The following PCDHA13 variants were observed in gnomAD, a reference collection of about 807,000 sequenced individuals.
PCDHA13 encodes protocadherin alpha-13.
Under a neutral mutation model 64.8 loss-of-function variants are expected in PCDHA13, and 54 were observed. The ratio of observed to expected loss-of-function variants is 0.83; its 90% CI spans 0.67 to 1.04. The LOEUF (loss-of-function observed/expected upper bound fraction) is 1.04, where lower values mean the gene tolerates loss of function less well. Ranked by LOEUF, PCDHA13 falls within the 50% of genes least tolerant of loss-of-function variation. The probability of loss-of-function intolerance (pLI) is 0.00; values close to 1 mark genes in which losing one functional copy is unlikely to be tolerated. For missense variants in PCDHA13, 1,248 were observed against 1,254.3 expected, an observed-to-expected ratio of 0.99 and a Z score of 0.08; for synonymous variants, 587 against 564.4, an observed-to-expected ratio of 1.04 and a Z score of -0.57.
In PCDHA13 at chr5:140,884,171, C is replaced by A; in HGVS notation, c.1903C>A (p.Arg635Ser). Residue 635 changes from arginine (R) to serine (S), a missense_variant, in exon 1 of 4, where the codon CGC becomes AGC. Transcript: ENST00000289272. ...GTACACTGGCGAGATCAGCACGACG[C>A]GCCCTCTGGACGAGGTGGACGCGCC... is the stretch of plus-strand genomic sequence containing the variant. Reference protein sequence around the residue: ...GLYTGEISTTRPLDEVDAPHH... With the variant: ...GLYTGEISTTSPLDEVDAPHH... 1 of 1,613,414 alleles carries A rather than the reference C, an allele frequency of 6.2e-7. No individual in the cohort carries two copies. The highest frequency in any genetic ancestry group is 8.5e-7 in the Non-Finnish European group (1 of 1,179,742).
At chr5:140,918,042 A>C (rs1363704503) in intron 1 of PCDHA13, among the ~76,000 whole-genome samples, 1 of 152,088 alleles carries the variant, frequency 6.6e-6, no homozygotes, top group African/African-American at 2.4e-5. Flanking sequence ...AGGTCTTTCC[A>C]TTTGTTTTAT....
chr5:140,968,588 A>G (rs1554230894), intron 1 of PCDHA13: 1 of 1,614,180 alleles, frequency 6.2e-7, no homozygotes, highest in South Asian at 1.1e-5. Flanking sequence ...CACCAAAGTC[A>G]TAGCTATGGA....
rs1450871721 is a variant in PCDHA13, at chr5:140,999,541, C to T, written c.2543-10086C>T. 3.3e-5 allele frequency among the ~76,000 whole-genome samples: 5 copies of T among 152,150 alleles called. No individual in the cohort carries two copies. The East Asian group carries it at 9.7e-4, about 29-fold the overall frequency. On this transcript the variant is annotated intron_variant, in intron 3 of 3. Coordinates refer to ENST00000289272, the MANE Select transcript of PCDHA13 (RefSeq NM_018904.3). ...TTTGTTACCCCCTGGATATGACAGC[C>T]AATGAAGAGGGGGTATTTTGAGAAG...
Position 140,882,950 on chromosome 5 carries a change from C to G in PCDHA13, c.682C>G (p.Leu228Val), listed in dbSNP as rs1197710877. ...GKPELTGTVQ[L>V]LITILDVNDN... ...ACCCGAGCTGACTGGCACAGTTCAG[C>G]TGCTCATCACGATTCTGGACGTGAA... Residue 228 changes from leucine to valine, a missense_variant, in exon 1 of 4, where the codon CTG (leucine) becomes GTG (valine). Leu to Val is a conservative substitution (Grantham distance 32, BLOSUM62 1). Coordinates refer to ENST00000289272, the MANE Select transcript of PCDHA13 (RefSeq NM_018904.3). 1 of 1,614,098 alleles carries G rather than the reference C, an allele frequency of 6.2e-7. No individual in the cohort carries two copies. The highest frequency in any genetic ancestry group is 8.5e-7 in the Non-Finnish European group (1 of 1,180,050).
chr5:141,003,086 G>T (rs782184121), intron 3 of PCDHA13, among the ~76,000 whole-genome samples: 7 of 152,194 alleles, frequency 4.6e-5, no homozygotes, highest in Non-Finnish European at 1.0e-4. Flanking sequence ...GAGTTTAACA[G>T]GCCTGGCATT....
intron 1 of PCDHA13, among the ~76,000 whole-genome samples, chr5:140,891,825 G>T (rs2153435686): frequency 6.6e-6 from 1 of 152,302 alleles, no homozygotes; most frequent in East Asian, 1.9e-4. Flanking sequence ...TAACGGCACT[G>T]TAAAAGGACT....
Position 141,012,063 on chromosome 5 carries a change from T to C in PCDHA13, c.*2126T>C, listed in dbSNP as rs948658172. ...TGGGGTAAAACTTGTTACCAACACATGTGAACCATTGCTACATTGTAGGTT... is the reference window on the plus strand; with the variant it reads ...TGGGGTAAAACTTGTTACCAACACACGTGAACCATTGCTACATTGTAGGTT... On this transcript the variant is annotated 3_prime_UTR_variant, in exon 4 of 4. Transcript: ENST00000289272. The C allele has an allele frequency of 1.3e-5, 2 of 153,778 alleles. No individual in the cohort carries two copies. The highest frequency in any genetic ancestry group is 3.8e-4 in the East Asian group (2 of 5,196). The allele number at this position is 153,778 out of a possible 1,614,324, so 9.5% of individuals were successfully genotyped here. A position where few individuals can be genotyped will look rare whatever the true frequency, so the allele number is the denominator to read the frequency against.
At chr5:140,986,940 G>A (rs1371744170) in intron 3 of PCDHA13, among the ~76,000 whole-genome samples, 1 of 152,280 alleles carries the variant, frequency 6.6e-6, no homozygotes, top group South Asian at 2.1e-4. Flanking sequence ...GAGGCTGGGT[G>A]TGGTCGCTCA....
intron 1 of PCDHA13, chr5:140,966,633 C>G (rs2096029445): frequency 8.9e-6 from 9 of 1,005,802 alleles, no homozygotes; most frequent in Non-Finnish European, 5.4e-6. Flanking sequence ...CGGCCCCAGG[C>G]GCTTTCTAGA....
At chr5:140,947,796 T>C (rs2094177808) in intron 1 of PCDHA13, among the ~76,000 whole-genome samples, 2 of 151,630 alleles carry the variant, frequency 1.3e-5, no homozygotes, top group Non-Finnish European at 3.0e-5. Context: ...AACAGACTTT[T>C]AATTTGCAGA....
chr5:141,004,144 A>C (rs1451902723), intron 3 of PCDHA13, among the ~76,000 whole-genome samples: 3 of 152,250 alleles, frequency 2.0e-5, no homozygotes, highest in Non-Finnish European at 2.9e-5. Context: ...CCCCAAAGGC[A>C]TGACATTTTA....
rs2098415057 is a variant in PCDHA13, at chr5:141,009,865, A to G, written c.2781A>G (p.Lys927=). ...AGGAGGAGACCAAGAAAAAGAAGAAAAAGAAGAAGGGTAACAAGACCCAGG... is the reference window on the plus strand; with the variant it reads ...AGGAGGAGACCAAGAAAAAGAAGAAGAAGAAGAAGGGTAACAAGACCCAGG... ...GKKEETKKKK[K]KKKGNKTQEK... The change falls in exon 4 of 4, where the codon AAA becomes AAG. Residue 927 remains lysine, a synonymous_variant. Transcript: ENST00000289272. The G allele has an allele frequency of 6.2e-7, 1 of 1,614,076 alleles. No homozygotes were observed.
At chr5:140,926,409 C>G (rs1426750263) in intron 1 of PCDHA13, 3 of 152,670 alleles carry the variant, frequency 2.0e-5, no homozygotes, top group Admixed American at 6.5e-5. Context: ...CAGCAATCTG[C>G]GGGCAGAGGA....
At chr5:140,983,165 T>A (rs947834633) in intron 3 of PCDHA13, among the ~76,000 whole-genome samples, 14 of 152,220 alleles carry the variant, frequency 9.2e-5, no homozygotes, top group Admixed American at 4.6e-4. Context: ...TTGCCAAACA[T>A]GACCGCCTCA....
chr5:140,975,244 A>G (rs934948446), intron 1 of PCDHA13, among the ~76,000 whole-genome samples: 6 of 152,120 alleles, frequency 3.9e-5, no homozygotes. Flanking sequence ...AATCCCTCTT[A>G]TGCTTCAGAT....
chr5:140,903,525 C>T (rs1322141732), intron 1 of PCDHA13, among the ~76,000 whole-genome samples: 1 of 152,164 alleles, frequency 6.6e-6, no homozygotes, highest in African/African-American at 2.4e-5. Context: ...GTGTTGTTCA[C>T]TTTAAACTAG....
chr5:140,966,330 G>A, intron 1 of PCDHA13: 2 of 393,050 alleles, frequency 5.1e-6, no homozygotes, highest in Non-Finnish European at 9.0e-6. Context: ...CTGGGATCCG[G>A]CAGGTCCAGG....
At chr5:140,896,450 C>G (rs1009231622) in intron 1 of PCDHA13, among the ~76,000 whole-genome samples, 5 of 152,092 alleles carry the variant, frequency 3.3e-5, no homozygotes, top group Admixed American at 1.3e-4. Flanking sequence ...GCAACCTCCA[C>G]CTCCTGGGTT....
chr5:140,930,668 T>C (rs2087022080), intron 1 of PCDHA13, among the ~76,000 whole-genome samples: 1 of 152,216 alleles, frequency 6.6e-6, no homozygotes, highest in South Asian at 2.1e-4. Flanking sequence ...GTTTTACTAT[T>C]CTAGGCAATA....
Sources: gnomAD v4.1 joint callset for allele counts (sites outside exome capture counted in the v4.1 genomes callset) on GRCh38, gnomAD v4.1.1 for gene constraint, MANE v1.5 for transcripts, NCBI Gene and HGNC (gene_info 2026-07-23, HGNC 2026-07-21) for gene names.